Variants in MAP2K6 observed in about 807,000 individuals in gnomAD.
MAP2K6 encodes the protein mitogen-activated protein kinase kinase 6, also known as dual specificity mitogen-activated protein kinase kinase 6.
Under a neutral mutation model 53.7 loss-of-function variants are expected in MAP2K6, and 16 were observed. The ratio of observed to expected loss-of-function variants is 0.30; its 90% CI spans 0.20 to 0.45. MAP2K6 has a LOEUF of 0.45. Ranked by LOEUF, MAP2K6 falls within the 20% of genes least tolerant of loss-of-function variation. The pLI, the probability that MAP2K6 is intolerant of heterozygous loss-of-function variation, is 1.00. For missense variants in MAP2K6, 204 were observed against 411.9 expected, an observed-to-expected ratio of 0.50 and a Z score of 4.37; for synonymous variants, 132 against 143.1, an observed-to-expected ratio of 0.92 and a Z score of 0.55.
chr17:69,479,742 G>T (rs567100998), intron 1 of MAP2K6, among the ~76,000 whole-genome samples: 1 of 149,284 alleles, frequency 6.7e-6, no homozygotes, highest in Non-Finnish European at 1.5e-5. Flanking sequence ...TTTTGAGATG[G>T]AGTCTCACTC....
At chr17:69,463,305 TG>T (rs1351920324) in intron 1 of MAP2K6, among the ~76,000 whole-genome samples, 1 of 150,046 alleles carries the variant, frequency 6.7e-6, no homozygotes, top group African/African-American at 2.5e-5. Context: ...TATACTTATA[TG>T]TATATATATA....
At chr17:69,429,860 C>G (rs1456421466) in intron 1 of MAP2K6, among the ~76,000 whole-genome samples, 2 of 152,134 alleles carry the variant, frequency 1.3e-5, no homozygotes, top group Admixed American at 6.5e-5. Flanking sequence ...GGTGGGCAAC[C>G]CAGAGAAAGT....
intron 1 of MAP2K6, among the ~76,000 whole-genome samples, chr17:69,462,476 A>G (rs762198286): frequency 1.3e-5 from 2 of 152,178 alleles, no homozygotes; most frequent in Non-Finnish European, 2.9e-5. Flanking sequence ...TAGACCAGCC[A>G]TCTAAGGAGC....
At chr17:69,509,891 G>T (rs955220906) in intron 2 of MAP2K6, among the ~76,000 whole-genome samples, 2 of 152,014 alleles carry the variant, frequency 1.3e-5, no homozygotes, top group East Asian at 3.9e-4. Context: ...ACCCAGGCTG[G>T]AGTGCAGAGG....
chr17:69,483,588 A>G (rs1316500306), intron 1 of MAP2K6, among the ~76,000 whole-genome samples: 1 of 152,076 alleles, frequency 6.6e-6, no homozygotes, highest in African/African-American at 2.4e-5. Context: ...CTTTGCAGAA[A>G]TTGATAGGCT....
intron 1 of MAP2K6, chr17:69,433,155 A>G (rs1906521530): frequency 6.6e-6 from 1 of 152,264 alleles, no homozygotes; most frequent in South Asian, 2.1e-4. Context: ...TAAAGACAAG[A>G]CTTCAGAATC....
At chr17:69,540,781 A>G (rs1911576314) in intron 11 of MAP2K6, among the ~76,000 whole-genome samples, 1 of 152,190 alleles carries the variant, frequency 6.6e-6, no homozygotes, top group Admixed American at 6.5e-5. Context: ...GGCAGTCTAC[A>G]TTATTTTTCA....
At chr17:69,463,380 T>G (rs536889633) in intron 1 of MAP2K6, among the ~76,000 whole-genome samples, 1 of 149,564 alleles carries the variant, frequency 6.7e-6, no homozygotes, top group African/African-American at 2.4e-5. Flanking sequence ...TGTGTATATA[T>G]ATGTGTATCT....
chr17:69,481,169 A>G (rs1447056335), intron 1 of MAP2K6, among the ~76,000 whole-genome samples: 2 of 152,110 alleles, frequency 1.3e-5, no homozygotes, highest in Non-Finnish European at 1.5e-5. Flanking sequence ...TCCAGCCCCT[A>G]GTAGCCATCA....
chr17:69,481,953 T>A (rs1908365282), intron 1 of MAP2K6, among the ~76,000 whole-genome samples: 1 of 152,160 alleles, frequency 6.6e-6, no homozygotes, highest in Non-Finnish European at 1.5e-5. Flanking sequence ...ATCCTATTTT[T>A]AATTTTTTTA....
intron 1 of MAP2K6, among the ~76,000 whole-genome samples, chr17:69,463,738 A>ATTTT (rs1907707892): frequency 6.6e-6 from 1 of 152,114 alleles, no homozygotes. Flanking sequence ...CTACTTAGAA[A>ATTTT]GAATTTTATT....
intron 11 of MAP2K6, among the ~76,000 whole-genome samples, chr17:69,537,220 T>C (rs1911404814): frequency 6.6e-6 from 1 of 152,228 alleles, no homozygotes. Context: ...ATATGTTGAA[T>C]GTAGGAGAAA....
intron 5 of MAP2K6, 89 bp downstream of exon 5, chr17:69,519,521 G>C (rs1245616548): frequency 6.6e-6 from 10 of 1,523,088 alleles, no homozygotes; most frequent in Non-Finnish European, 9.0e-6. Flanking sequence ...CAATCATGGA[G>C]CTCTTTCTTG....
chr17:69,504,926 A>G (rs574640978), intron 1 of MAP2K6, among the ~76,000 whole-genome samples: 6 of 152,166 alleles, frequency 3.9e-5, no homozygotes, highest in Admixed American at 3.3e-4. Flanking sequence ...AAGTTTTTCA[A>G]ATTACAGCAG....
At chr17:69,479,425 C>T (rs1305366543) in intron 1 of MAP2K6, among the ~76,000 whole-genome samples, 2 of 151,982 alleles carry the variant, frequency 1.3e-5, no homozygotes, top group Non-Finnish European at 2.9e-5. Flanking sequence ...TACCTTCAAG[C>T]TATGTGTAAA....
intron 1 of MAP2K6, among the ~76,000 whole-genome samples, chr17:69,450,530 G>A (rs935932148): frequency 2.0e-5 from 3 of 152,142 alleles, no homozygotes; most frequent in African/African-American, 7.2e-5. Flanking sequence ...AAGCCTTAGA[G>A]GTCATGCCCT....
At chr17:69,528,859 CAAAAAAAAAAAAAAAAAAA>C (rs58897757) in intron 10 of MAP2K6, among the ~76,000 whole-genome samples, 1 of 59,090 alleles carries the variant, frequency 1.7e-5, no homozygotes, top group Non-Finnish European at 2.9e-5. Flanking sequence ...GACGCCATCT[CAAAAAAAAAAAAAAAAAAA>C]AAAAAAAAAA....
At chr17:69,450,142 G>A (rs1356913176) in intron 1 of MAP2K6, among the ~76,000 whole-genome samples, 3 of 147,038 alleles carry the variant, frequency 2.0e-5, no homozygotes, top group Non-Finnish European at 4.5e-5. Context: ...TAGTACAGAC[G>A]GTGTTTCACC....
intron 1 of MAP2K6, chr17:69,485,175 C>G (rs982261161): frequency 6.6e-6 from 1 of 152,116 alleles, no homozygotes; most frequent in Admixed American, 6.6e-5. Flanking sequence ...CTAAAATTAA[C>G]AATTCAAACT....
Sources: gnomAD v4.1 joint callset for allele counts (sites outside exome capture counted in the v4.1 genomes callset) on GRCh38, gnomAD v4.1.1 for gene constraint, MANE v1.5 for transcripts, NCBI Gene and HGNC (gene_info 2026-07-23, HGNC 2026-07-21) for gene names.